Variants in SYNDIG1 observed in about 807,000 individuals in gnomAD.
SYNDIG1 encodes synapse differentiation inducing 1.
In SYNDIG1, 9 loss-of-function variants were observed where a neutral mutation model predicts 19.4. The observed-to-expected ratio is 0.46, with a 90% CI of 0.28 to 0.81. The LOEUF is 0.81. Among genes scored for constraint, SYNDIG1 ranks in the 30% least tolerant of loss-of-function variants. The probability of loss-of-function intolerance (pLI) is 0.12; values close to 1 mark genes in which losing one functional copy is unlikely to be tolerated. For synonymous variants in SYNDIG1, 141 were observed against 145.9 expected, an observed-to-expected ratio of 0.97 and a Z score of 0.24; for missense variants, 311 against 343.3, an observed-to-expected ratio of 0.91 and a Z score of 0.74.
At position 24,539,763 on chromosome 20, in the gene SYNDIG1, TTTTGTTTG is replaced by T. The variant is rs140828302; in HGVS notation, c.-78-3233_-78-3226del. Among the ~76,000 whole-genome samples, 26 of 150,370 alleles carry T rather than the reference TTTTGTTTG, an allele frequency of 1.7e-4. 1 individual carries two copies. The highest frequency in any genetic ancestry group is 1.4e-3 in the East Asian group (7 of 5,080). On this transcript the variant is annotated intron_variant, in intron 1 of 3. Transcript: ENST00000376862. ...TCTTCTTTAATTTTTTTCAGCAGTGTTTTGTTTGTTTGTTTGTTTGTTTGTTTGTTTTT... is the reference window on the plus strand; with the variant it reads ...TCTTCTTTAATTTTTTTCAGCAGTGTTTTGTTTGTTTGTTTGTTTGTTTTT...
chr20:24,620,021 C>T lies in SYNDIG1; in HGVS notation c.618+35028C>T, dbSNP rs1341021620. On this transcript the variant is annotated intron_variant, in intron 3 of 3. Transcript: ENST00000376862. ...AAATCCTGGCCACCCTGGAGAGCTTCCCTAAGACCCTACAGGAGAAGGTAA... is the reference window on the plus strand; with the variant it reads ...AAATCCTGGCCACCCTGGAGAGCTTTCCTAAGACCCTACAGGAGAAGGTAA... 3.9e-5 allele frequency among the ~76,000 whole-genome samples: 6 copies of T among 152,188 alleles called. No individual in the cohort carries two copies. The East Asian group carries it at 1.2e-3, about 29-fold the overall frequency.
At chr20:24,632,904 A>C (rs572130027) in intron 3 of SYNDIG1, among the ~76,000 whole-genome samples, 5 of 149,584 alleles carry the variant, frequency 3.3e-5, no homozygotes, top group East Asian at 4.0e-4. Flanking sequence ...AAATGAACTT[A>C]TTTTATGAAG....
intron 3 of SYNDIG1, among the ~76,000 whole-genome samples, chr20:24,646,817 C>T (rs1466600059): frequency 6.6e-6 from 1 of 152,108 alleles, no homozygotes; most frequent in Non-Finnish European, 1.5e-5. Flanking sequence ...AGTGGAGTTT[C>T]ACCATGTTGG....
At chr20:24,567,172 A>C (rs1237818454) in intron 2 of SYNDIG1, among the ~76,000 whole-genome samples, 1 of 152,136 alleles carries the variant, frequency 6.6e-6, no homozygotes, top group African/African-American at 2.4e-5. Context: ...TTTATTGAGT[A>C]AAAAGGAAGA....
intron 1 of SYNDIG1, among the ~76,000 whole-genome samples, chr20:24,539,544 G>A (rs2057426509): frequency 6.6e-6 from 1 of 152,134 alleles, no homozygotes; most frequent in Admixed American, 6.5e-5. Context: ...CTCCTACTTT[G>A]TTCTAAGTCC....
chr20:24,537,964 C>T (rs2057394591), intron 1 of SYNDIG1, among the ~76,000 whole-genome samples: 2 of 152,204 alleles, frequency 1.3e-5, no homozygotes, highest in South Asian at 2.1e-4. Context: ...TGCACTTCTC[C>T]TTCCTATCCA....
intron 1 of SYNDIG1, among the ~76,000 whole-genome samples, chr20:24,515,928 A>C (rs970104475): frequency 3.3e-5 from 5 of 152,340 alleles, no homozygotes; most frequent in African/African-American, 1.2e-4. Context: ...ACGCTACCTG[A>C]CTTCAAACTA....
intron 3 of SYNDIG1, among the ~76,000 whole-genome samples, chr20:24,654,834 A>G (rs2059509425): frequency 6.6e-6 from 1 of 152,154 alleles, no homozygotes; most frequent in Admixed American, 6.5e-5. Flanking sequence ...ATGATGCTAG[A>G]CCTGTTGACA....
chr20:24,515,457 A>G (rs1467178976), intron 1 of SYNDIG1, among the ~76,000 whole-genome samples: 8 of 152,176 alleles, frequency 5.3e-5, no homozygotes, highest in Non-Finnish European at 1.0e-4. Flanking sequence ...TCAGCCCAAA[A>G]TCTCCTTAAG....
chr20:24,630,864 C>A (rs567302047), intron 3 of SYNDIG1, among the ~76,000 whole-genome samples: 1 of 152,322 alleles, frequency 6.6e-6, no homozygotes, highest in African/African-American at 2.4e-5. Context: ...GGTGGTGAGA[C>A]TAATACCGAA....
chr20:24,517,722 ATG>A (rs896417654), intron 1 of SYNDIG1, among the ~76,000 whole-genome samples: 21 of 145,624 alleles, frequency 1.4e-4, no homozygotes, highest in Non-Finnish European at 2.1e-4. Flanking sequence ...ATATATGTGT[ATG>A]TATATATATT....
chr20:24,545,768 G>C (rs1177158282), intron 2 of SYNDIG1, among the ~76,000 whole-genome samples: 1 of 152,178 alleles, frequency 6.6e-6, no homozygotes, highest in Non-Finnish European at 1.5e-5. Flanking sequence ...CTCTGATCTA[G>C]CAGCAGAAGT....
At chr20:24,648,921 A>G (rs1032028075) in intron 3 of SYNDIG1, among the ~76,000 whole-genome samples, 1 of 152,232 alleles carries the variant, frequency 6.6e-6, no homozygotes, top group Non-Finnish European at 1.5e-5. Context: ...CTTATTATTC[A>G]GTTATATCTT....
intron 1 of SYNDIG1, among the ~76,000 whole-genome samples, chr20:24,517,649 C>CAT (rs1206062663): frequency 1.0e-4 from 14 of 140,360 alleles, no homozygotes; most frequent in Non-Finnish European, 1.4e-4. Flanking sequence ...TATATATACA[C>CAT]ATATATATAT....
intron 1 of SYNDIG1, among the ~76,000 whole-genome samples, chr20:24,480,016 C>T (rs903069745): frequency 3.3e-4 from 50 of 152,212 alleles, no homozygotes; most frequent in Non-Finnish European, 1.2e-4. Flanking sequence ...CACGCGCGCA[C>T]GCACACACAT....
chr20:24,635,019 TG>T (rs142080796), intron 3 of SYNDIG1, among the ~76,000 whole-genome samples: 1,975 of 152,352 alleles, frequency 0.013, 42 homozygotes, highest in African/African-American at 0.045. Context: ...AGGAGCAGCC[TG>T]GCAGTGTGAC....
intron 3 of SYNDIG1, among the ~76,000 whole-genome samples, chr20:24,631,369 C>T (rs887713756): frequency 1.3e-5 from 2 of 152,186 alleles, no homozygotes; most frequent in African/African-American, 4.8e-5. Flanking sequence ...CAGCAAAGGC[C>T]TCTCAGGACC....
At chr20:24,621,384 A>G (rs2147233960) in intron 3 of SYNDIG1, among the ~76,000 whole-genome samples, 1 of 152,368 alleles carries the variant, frequency 6.6e-6, no homozygotes, top group Non-Finnish European at 1.5e-5. Context: ...GGTAAACACC[A>G]ATTTGGCATT....
At chr20:24,557,498 T>C (rs559532509) in intron 2 of SYNDIG1, among the ~76,000 whole-genome samples, 4 of 152,282 alleles carry the variant, frequency 2.6e-5, no homozygotes, top group Admixed American at 2.6e-4. Context: ...GGATGTCCTT[T>C]CTGTTTGTTA....
Sources: allele counts gnomAD v4.1 joint callset (sites outside exome capture counted in the v4.1 genomes callset), GRCh38; gene constraint gnomAD v4.1.1; transcripts MANE v1.5; gene names NCBI Gene and HGNC (gene_info 2026-07-23, HGNC 2026-07-21).